Variants in GATAD2A observed in about 807,000 individuals in gnomAD.
GATAD2A encodes the protein transcriptional repressor p66-alpha.
In GATAD2A, 12 loss-of-function variants were observed where a neutral mutation model predicts 68.5. The observed-to-expected ratio is 0.18, with a 90% confidence interval of 0.11 to 0.28. GATAD2A has a LOEUF of 0.28. Ranked by LOEUF, GATAD2A falls within the 10% of genes least tolerant of loss-of-function variation. The probability of loss-of-function intolerance (pLI) is 1.00; values close to 1 mark genes in which losing one functional copy is unlikely to be tolerated. For missense variants in GATAD2A, 755 were observed against 868.5 expected (o/e 0.87, Z 1.64); for synonymous variants, 410 against 375.3 (o/e 1.09, Z -1.07).
In GATAD2A at chr19:19,465,340, T is replaced by G; in HGVS notation, c.-6T>G. 6.2e-7 allele frequency: 1 copy of G among 1,613,432 alleles called. No individual in the cohort carries two copies. The highest frequency in any genetic ancestry group is 1.7e-4 in the Middle Eastern group (1 of 6,056). On this transcript the variant is annotated splice_region_variant and 5_prime_UTR_variant, in exon 2 of 12. Transcript: ENST00000683918. ...GTTGTGTCTTCTCCTCCCTCCCAAG[T>G]TCAGAATGACCGAAGAAGCATGCCG...
intron 1 of GATAD2A, among the ~76,000 whole-genome samples, chr19:19,435,709 G>A (rs2054261486): frequency 6.6e-6 from 1 of 152,178 alleles, no homozygotes. Context: ...AATCAGCCGG[G>A]CATAGTGGTG....
At chr19:19,473,905 C>T (rs1231070364) in intron 2 of GATAD2A, 1 of 274,766 alleles carries the variant, frequency 3.6e-6, no homozygotes, top group Non-Finnish European at 5.5e-6. Context: ...CAGATCACAC[C>T]ACTGCACTCC....
At chr19:19,473,914 C>T (rs911470448) in intron 2 of GATAD2A, 3 of 364,080 alleles carry the variant, frequency 8.2e-6, no homozygotes, top group African/African-American at 2.2e-5. Flanking sequence ...CCACTGCACT[C>T]CAGCCTGGGC....
intron 1 of GATAD2A, among the ~76,000 whole-genome samples, chr19:19,395,983 C>T (rs997497793): frequency 2.0e-4 from 30 of 152,120 alleles, no homozygotes; most frequent in Admixed American, 1.4e-3. Flanking sequence ...ATACAGCAAG[C>T]GGCCAGACTG....
chr19:19,476,810 G>C (rs1432740059), intron 2 of GATAD2A, among the ~76,000 whole-genome samples: 1 of 152,204 alleles, frequency 6.6e-6, no homozygotes, highest in Non-Finnish European at 1.5e-5. Context: ...GGGGGGCAGT[G>C]TTTTCCCGGT....
rs1446180015 is a variant in GATAD2A, at chr19:19,507,667, G to A, written c.*2193G>A. ...CAACCCATCCTTGTGAGTTCATATG[G>A]ACTGCTGCCCCTCGAAAGGGAGAGG... On this transcript the variant is annotated 3_prime_UTR_variant, in exon 12 of 12. Coordinates refer to ENST00000683918, the MANE Select transcript of GATAD2A (RefSeq NM_001384528.1). 6.6e-6 allele frequency: 1 copy of A among 152,260 alleles called. No individual in the cohort carries two copies. Among genetic ancestry groups the A allele is most frequent in the Non-Finnish European group, 1.5e-5 (1 of 68,078 alleles). 9.4% of individuals were successfully genotyped at this position (152,260 alleles called of 1,614,324 possible). A position where few individuals can be genotyped will look rare whatever the true frequency, so the allele number is the denominator to read the frequency against.
At chr19:19,499,834 C>T (rs997760185) in intron 8 of GATAD2A, among the ~76,000 whole-genome samples, 3 of 152,000 alleles carry the variant, frequency 2.0e-5, no homozygotes, top group Admixed American at 2.0e-4. Context: ...CTAACTGCAG[C>T]GTGCCCCAAG....
intron 11 of GATAD2A, 142 bp downstream of exon 11, chr19:19,502,668 C>T (rs145819490): frequency 1.4e-5 from 9 of 652,668 alleles, no homozygotes; most frequent in Admixed American, 3.0e-5. Flanking sequence ...CTGGCTTTCC[C>T]TCTTGCCCCT....
intron 1 of GATAD2A, among the ~76,000 whole-genome samples, chr19:19,387,486 A>G (rs1473501204): frequency 2.6e-5 from 4 of 151,490 alleles, no homozygotes; most frequent in Non-Finnish European, 4.4e-5. Flanking sequence ...TGCCTGGCTA[A>G]TTTTTGTATT....
In GATAD2A at chr19:19,460,562, T is replaced by A. The variant is rs556378957; in HGVS notation, c.-6-4778T>A. Among the ~76,000 whole-genome samples the A allele has an allele frequency of 6.6e-4, 101 of 152,270 alleles. 3 individuals are homozygous for A. The highest frequency in any genetic ancestry group is 2.3e-3 in the African/African-American group (94 of 41,550). On this transcript the variant is annotated intron_variant, in intron 1 of 11. Transcript: ENST00000683918. ...GCTGCCCCCAGGTTCAGGGCTCTGC[T>A]CCTCAGCATCTCCGTGGGGCTCATC... is the stretch of plus-strand genomic sequence containing the variant.
intron 11 of GATAD2A, among the ~76,000 whole-genome samples, chr19:19,504,768 C>T (rs2060776372): frequency 6.6e-6 from 1 of 151,774 alleles, no homozygotes; most frequent in African/African-American, 2.4e-5. Flanking sequence ...CCCACCTCAG[C>T]CTCTGGAGTA....
At chr19:19,456,424 A>G (rs1447832298) in intron 1 of GATAD2A, among the ~76,000 whole-genome samples, 2 of 152,114 alleles carry the variant, frequency 1.3e-5, no homozygotes, top group East Asian at 3.9e-4. Flanking sequence ...TGAGGGTCAG[A>G]CTTGCAACAT....
Position 19,506,060 on chromosome 19 carries a change from C to G in GATAD2A, c.*586C>G, listed in dbSNP as rs1568348151. 1.0e-5 allele frequency: 4 copies of G among 398,908 alleles called. No individual in the cohort carries two copies. The highest frequency in any genetic ancestry group is 1.3e-5 in the Non-Finnish European group (3 of 226,080). The allele number at this position is 398,908 out of a possible 1,614,324, so 24.7% of individuals were successfully genotyped here. A position where few individuals can be genotyped will look rare whatever the true frequency, so the allele number is the denominator to read the frequency against. ...GGTCCCTGTTGTACGCTGCATCATCCCGCTGGCCCTGTGCCCTGGAGGGTG... is the reference window on the plus strand; with the variant it reads ...GGTCCCTGTTGTACGCTGCATCATCGCGCTGGCCCTGTGCCCTGGAGGGTG... On this transcript the variant is annotated 3_prime_UTR_variant, in exon 12 of 12. Transcript: ENST00000683918.
chr19:19,416,353 G>A (rs746885872), intron 1 of GATAD2A, among the ~76,000 whole-genome samples: 2 of 152,042 alleles, frequency 1.3e-5, no homozygotes, highest in Non-Finnish European at 2.9e-5. Flanking sequence ...GATGAGAGAT[G>A]ATTTGGGGTG....
chr19:19,399,053 C>T (rs531920354), intron 1 of GATAD2A, among the ~76,000 whole-genome samples: 10 of 150,146 alleles, frequency 6.7e-5, no homozygotes, highest in Non-Finnish European at 1.0e-4. Flanking sequence ...AGTGAGACTC[C>T]GTCTCAAAAA....
At chr19:19,443,355 G>T (rs1349212515) in intron 1 of GATAD2A, among the ~76,000 whole-genome samples, 1 of 152,134 alleles carries the variant, frequency 6.6e-6, no homozygotes, top group African/African-American at 2.4e-5. Flanking sequence ...GACGCCATTT[G>T]CAAAACCAAC....
rs1299999230 is a variant in GATAD2A, at chr19:19,507,306, CTG to C, written c.*1837_*1838del. On this transcript the variant is annotated 3_prime_UTR_variant, in exon 12 of 12. Transcript: ENST00000683918. ...AAGCATTTCTATTCCTCGCATTTTT[CTG>C]TGTGCCTGGCAAATAAATACCTGTC... 1.3e-5 allele frequency: 2 copies of C among 150,644 alleles called. No individual in the cohort carries two copies. The highest frequency in any genetic ancestry group is 1.9e-4 in the East Asian group (1 of 5,144). 9.3% of individuals were successfully genotyped at this position (150,644 alleles called of 1,614,324 possible).
At chr19:19,461,069 C>G (rs1163911001) in intron 1 of GATAD2A, among the ~76,000 whole-genome samples, 1 of 152,204 alleles carries the variant, frequency 6.6e-6, no homozygotes, top group Non-Finnish European at 1.5e-5. Flanking sequence ...GTCTTGTTCA[C>G]CACTGAGTCC....
intron 1 of GATAD2A, among the ~76,000 whole-genome samples, chr19:19,437,368 G>A (rs1442687460): frequency 3.3e-5 from 5 of 152,182 alleles, no homozygotes; most frequent in African/African-American, 4.8e-5. Context: ...GGGCTCAAGC[G>A]ATTCTCCTGC....
Sources: gnomAD v4.1 joint callset for allele counts (sites outside exome capture counted in the v4.1 genomes callset) on GRCh38, gnomAD v4.1.1 for gene constraint, MANE v1.5 for transcripts, NCBI Gene and HGNC (gene_info 2026-07-23, HGNC 2026-07-21) for gene names.